The following GRK5 variants were observed in gnomAD, a reference collection of about 807,000 sequenced individuals.
GRK5 encodes g protein-coupled receptor kinase GRK5.
A neutral mutation model predicts 78.4 loss-of-function variants in GRK5; 40 were observed. That is an observed-to-expected ratio of 0.51 (90% CI 0.40 to 0.66). The LOEUF (loss-of-function observed/expected upper bound fraction) is 0.66, where lower values mean the gene tolerates loss of function less well. Among genes scored for constraint, GRK5 ranks in the 30% least tolerant of loss-of-function variants. GRK5 has a pLI of 0.00. For synonymous variants in GRK5, 289 were observed against 296.8 expected, an observed-to-expected ratio of 0.97 and a Z score of 0.27; for missense variants, 598 against 759.9, an observed-to-expected ratio of 0.79 and a Z score of 2.50.
At chr10:119,265,158 C>G (rs1849473827) in intron 1 of GRK5, among the ~76,000 whole-genome samples, 1 of 152,220 alleles carries the variant, frequency 6.6e-6, no homozygotes, top group African/African-American at 2.4e-5. Context: ...TGGGGGCCTG[C>G]TCAGGTGCTG....
In GRK5 at chr10:119,352,632, A is replaced by G. The variant is rs918663359; in HGVS notation, c.148+26021A>G. On this transcript the variant is annotated intron_variant, in intron 2 of 15. Coordinates refer to ENST00000392870, the MANE Select transcript of GRK5 (RefSeq NM_005308.3). ...TCCTGGGTCTGTTTTGGTTTCTTCA[A>G]CACATTTATTTGGTGTTTAATTGGA... Among the ~76,000 whole-genome samples the G allele has an allele frequency of 3.3e-5, 5 of 152,192 alleles. No individual in the cohort carries two copies. In the East Asian group the frequency reaches 9.6e-4, roughly 29 times the overall value.
chr10:119,394,337 TGTGTGTGGGC>T (rs1280894165), intron 3 of GRK5, among the ~76,000 whole-genome samples: 8 of 106,116 alleles, frequency 7.5e-5, no homozygotes, highest in Non-Finnish European at 1.0e-4. Context: ...TCTGTGTGTC[TGTGTGTGGGC>T]ATGTGGGTGT....
chr10:119,388,587 T>C (rs1172886649), intron 3 of GRK5, among the ~76,000 whole-genome samples: 2 of 152,212 alleles, frequency 1.3e-5, no homozygotes, highest in African/African-American at 2.4e-5. Context: ...TCTGCCTGTC[T>C]TGGCTTCCCA....
intron 1 of GRK5, among the ~76,000 whole-genome samples, chr10:119,269,510 G>A (rs1043810418): frequency 6.6e-6 from 1 of 151,970 alleles, no homozygotes; most frequent in Admixed American, 6.6e-5. Flanking sequence ...TCTCATCCTG[G>A]GGAGTCAGGG....
intron 2 of GRK5, among the ~76,000 whole-genome samples, chr10:119,355,105 T>C (rs1851246081): frequency 6.6e-6 from 1 of 152,244 alleles, no homozygotes. Flanking sequence ...TGTTATACTG[T>C]ATTGTTTAGG....
At chr10:119,358,229 T>C (rs1589762621) in intron 2 of GRK5, among the ~76,000 whole-genome samples, 2 of 152,116 alleles carry the variant, frequency 1.3e-5, no homozygotes, top group Admixed American at 6.5e-5. Context: ...CCACGCAGCA[T>C]GCATGGCTGG....
In GRK5 at chr10:119,423,286, G is replaced by C. The variant is rs1417447430; in HGVS notation, c.440+20G>C. On this transcript the variant is annotated intron_variant, in intron 5 of 15. Coordinates refer to ENST00000392870, the MANE Select transcript of GRK5 (RefSeq NM_005308.3). Reference sequence around the variant, plus strand: ...TGCACAGTAAGTGCCGTAGTCACCTGGCCTGTCCTCCCCGGGCTGCCCAGA... The same window carrying C: ...TGCACAGTAAGTGCCGTAGTCACCTCGCCTGTCCTCCCCGGGCTGCCCAGA... 4 of 1,563,592 alleles carry C rather than the reference G, an allele frequency of 2.6e-6. No homozygotes were observed. The highest frequency in any genetic ancestry group is 3.5e-6 in the Non-Finnish European group (4 of 1,133,936).
chr10:119,309,446 G>A (rs1020013505), intron 1 of GRK5, among the ~76,000 whole-genome samples: 3 of 152,206 alleles, frequency 2.0e-5, no homozygotes, highest in Non-Finnish European at 4.4e-5. Context: ...GTTGAGGGAG[G>A]TTGAATCAAG....
In GRK5 at chr10:119,378,937, C is replaced by T. The variant is rs1851669307; in HGVS notation, c.149-1878C>T. Among the ~76,000 whole-genome samples the T allele has an allele frequency of 6.6e-6, 1 of 152,212 alleles. No homozygotes were observed. Among genetic ancestry groups the T allele is most frequent in the Non-Finnish European group, 1.5e-5 (1 of 68,046 alleles). ...GATTGGCTGTGACTAAGTGACGTGTCCATCCGTGACCGTAGCACTGTGGCC... is the reference window on the plus strand; with the variant it reads ...GATTGGCTGTGACTAAGTGACGTGTTCATCCGTGACCGTAGCACTGTGGCC... On this transcript the variant is annotated intron_variant, in intron 2 of 15. Transcript: ENST00000392870. The surrounding 1 kb of genome is among the most constrained non-coding windows in gnomAD (Gnocchi z 4.5).
chr10:119,258,354 AT>A (rs1849320861), intron 1 of GRK5, among the ~76,000 whole-genome samples: 1 of 152,138 alleles, frequency 6.6e-6, no homozygotes, highest in Non-Finnish European at 1.5e-5. Context: ...GTTGTTTCCA[AT>A]TTTTGGTGAT....
intron 1 of GRK5, among the ~76,000 whole-genome samples, chr10:119,265,037 G>T (rs1048988391): frequency 6.6e-6 from 1 of 152,186 alleles, no homozygotes; most frequent in African/African-American, 2.4e-5. Context: ...TCTTTGGACA[G>T]GCAGCAGCCT....
intron 1 of GRK5, among the ~76,000 whole-genome samples, chr10:119,215,417 T>G (rs1848554967): frequency 7.1e-6 from 1 of 141,714 alleles, no homozygotes; most frequent in African/African-American, 2.7e-5. Flanking sequence ...AGGCAGGGAG[T>G]TGGGGAGAGA....
chr10:119,442,105 C>G lies in GRK5; in HGVS notation c.1057+17C>G, dbSNP rs754483789. 1 of 1,607,938 alleles carries G rather than the reference C, an allele frequency of 6.2e-7. No individual in the cohort carries two copies. The highest frequency in any genetic ancestry group is 1.7e-5 in the Admixed American group (1 of 59,990). ...GCTACATGGGTGAGTGCTGGGCTGCCTGTGTCAATGCACCTTGAGACCCAC... is the reference window on the plus strand; with the variant it reads ...GCTACATGGGTGAGTGCTGGGCTGCGTGTGTCAATGCACCTTGAGACCCAC... On this transcript the variant is annotated intron_variant, in intron 11 of 15. Transcript: ENST00000392870.
At chr10:119,312,583 G>A (rs1199694934) in intron 1 of GRK5, among the ~76,000 whole-genome samples, 1 of 152,212 alleles carries the variant, frequency 6.6e-6, no homozygotes, top group Non-Finnish European at 1.5e-5. Context: ...TCCTCAGGCA[G>A]GAACATGCCT....
chr10:119,447,189 C>T (rs961875001), intron 12 of GRK5, among the ~76,000 whole-genome samples: 5 of 152,288 alleles, frequency 3.3e-5, no homozygotes, highest in East Asian at 3.9e-4. Context: ...AGCCTCATCC[C>T]GTCTCACCTG....
intron 2 of GRK5, among the ~76,000 whole-genome samples, chr10:119,357,282 C>T (rs1223086677): frequency 1.3e-5 from 2 of 152,222 alleles, no homozygotes; most frequent in African/African-American, 4.8e-5. Flanking sequence ...GGGCTGTGGC[C>T]TTCCCTTGCT....
At chr10:119,361,293 C>G (rs534998138) in intron 2 of GRK5, among the ~76,000 whole-genome samples, 1 of 152,144 alleles carries the variant, frequency 6.6e-6, no homozygotes, top group South Asian at 2.1e-4. Flanking sequence ...GAGCAGAAGC[C>G]CCACCCCACT....
chr10:119,226,093 C>G (rs949051867), intron 1 of GRK5, among the ~76,000 whole-genome samples: 3 of 151,750 alleles, frequency 2.0e-5, no homozygotes, highest in African/African-American at 7.3e-5. Context: ...ATGATCCACC[C>G]GCTTCAGCCT....
chr10:119,286,470 A>G (rs181152489), intron 1 of GRK5, among the ~76,000 whole-genome samples: 3 of 152,360 alleles, frequency 2.0e-5, no homozygotes, highest in East Asian at 3.8e-4. Context: ...TTGGTTGTAC[A>G]ATATAGAGAC....
Sources: allele counts gnomAD v4.1 joint callset (sites outside exome capture counted in the v4.1 genomes callset), GRCh38; gene constraint gnomAD v4.1.1; non-coding constraint Gnocchi (gnomAD v3.1); transcripts MANE v1.5; gene names NCBI Gene and HGNC (gene_info 2026-07-23, HGNC 2026-07-21).